Variants in ANKRD55 observed in about 807,000 individuals in gnomAD.
The protein encoded by ANKRD55 is ankyrin repeat domain 55, also known as ankyrin repeat domain-containing protein 55.
A neutral mutation model predicts 60.6 loss-of-function variants in ANKRD55; 41 were observed. That is an observed-to-expected ratio of 0.68 (90% confidence interval 0.53 to 0.88). The LOEUF is 0.88. ANKRD55 is among the 40% of genes least tolerant of loss of function. The pLI, the probability that ANKRD55 is intolerant of heterozygous loss-of-function variation, is 0.00. For missense variants in ANKRD55, 732 were observed against 767.6 expected, an observed-to-expected ratio of 0.95 and a Z score of 0.55; for synonymous variants, 264 against 290.3, an observed-to-expected ratio of 0.91 and a Z score of 0.92.
At chr5:56,103,919 C>T (rs765882365) in intron 10 of ANKRD55, among the ~76,000 whole-genome samples, 4 of 152,180 alleles carry the variant, frequency 2.6e-5, no homozygotes, top group Non-Finnish European at 2.9e-5. Context: ...TGTGCAGAAG[C>T]GGCCACCTCA....
rs1406984088 is a variant in ANKRD55 at position 56,111,146 on chromosome 5, G to C, written c.1602C>G (p.His534Gln). Residue 534 changes from histidine to glutamine, a missense_variant, in exon 10 of 12, where the codon CAC becomes CAG. Transcript: ENST00000341048. ...ATGATGGATTATGTAGATGGCGAAG[G>C]TGTGGTGGCACGGAGACCTCTTGGT... is the stretch of plus-strand genomic sequence containing the variant. ...PGHQEVSVPPHLRHLHNPSSG... is the reference protein window; with the variant it reads ...PGHQEVSVPPQLRHLHNPSSG... 1 of 1,614,100 alleles carries C rather than the reference G, an allele frequency of 6.2e-7. No homozygotes were observed. The highest frequency in any genetic ancestry group is 1.7e-5 in the Admixed American group (1 of 60,012).
At chr5:56,103,048 G>A (rs552725856) in intron 10 of ANKRD55, among the ~76,000 whole-genome samples, 2 of 152,294 alleles carry the variant, frequency 1.3e-5, no homozygotes, top group Non-Finnish European at 1.5e-5. Flanking sequence ...CACATCCCAG[G>A]TTATTAGATC....
rs1324038531 is a variant in ANKRD55 at position 56,177,987 on chromosome 5, T to C, written c.182-1705A>G. ...CTTCATTTTTCTCTAGTAATTCTTT[T>C]AATATTTTACAATTATGTATTGATT... On this transcript the variant is annotated intron_variant, in intron 3 of 11. Transcript: ENST00000341048. Among the ~76,000 whole-genome samples the C allele has an allele frequency of 3.9e-5, 6 of 152,272 alleles. No individual in the cohort carries two copies. The South Asian group carries it at 1.2e-3, about 32-fold the overall frequency.
intron 3 of ANKRD55, among the ~76,000 whole-genome samples, chr5:56,180,252 C>A (rs968413168): frequency 2.0e-5 from 3 of 152,186 alleles, no homozygotes; most frequent in Non-Finnish European, 4.4e-5. Flanking sequence ...CACCTCTCAA[C>A]AATACTGCAT....
At chr5:56,226,142 C>T (rs972331755) in intron 2 of ANKRD55, among the ~76,000 whole-genome samples, 5 of 152,064 alleles carry the variant, frequency 3.3e-5, no homozygotes, top group African/African-American at 1.2e-4. Flanking sequence ...AGATATAGAC[C>T]AATAGAACAG....
chr5:56,154,200 C>CA (rs367809782), intron 6 of ANKRD55, among the ~76,000 whole-genome samples: 49,686 of 64,428 alleles, frequency 0.77, 19,685 homozygotes, highest in Non-Finnish European at 0.83. Context: ...GACTCTGTCT[C>CA]AAAAAAAAAA....
intron 4 of ANKRD55, among the ~76,000 whole-genome samples, chr5:56,174,214 G>GTGTC (rs1200781863): frequency 6.6e-6 from 1 of 152,148 alleles, no homozygotes; most frequent in Non-Finnish European, 1.5e-5. Context: ...GGCTCCAAGG[G>GTGTC]TGTCCATCAT....
chr5:56,212,778 C>A (rs1265279887), intron 2 of ANKRD55, among the ~76,000 whole-genome samples: 1 of 152,206 alleles, frequency 6.6e-6, no homozygotes, highest in African/African-American at 2.4e-5. Flanking sequence ...CACTGACCAT[C>A]AGGGTTTGAA....
chr5:56,222,825 C>A (rs1025454272), intron 2 of ANKRD55, among the ~76,000 whole-genome samples: 6 of 152,258 alleles, frequency 3.9e-5, no homozygotes, highest in South Asian at 4.1e-4. Flanking sequence ...AAGAAATGAA[C>A]AAAGCCTCCA....
intron 9 of ANKRD55, among the ~76,000 whole-genome samples, chr5:56,112,162 A>T (rs921785740): frequency 6.6e-6 from 1 of 152,148 alleles, no homozygotes; most frequent in Non-Finnish European, 1.5e-5. Flanking sequence ...CGCAAGTTGA[A>T]GTCAGAGATG....
chr5:56,206,610 A>G (rs1445323688), intron 2 of ANKRD55, among the ~76,000 whole-genome samples: 1 of 152,108 alleles, frequency 6.6e-6, no homozygotes, highest in Non-Finnish European at 1.5e-5. Context: ...TGGTTGTTTC[A>G]TAGTGCATAG....
intron 8 of ANKRD55, among the ~76,000 whole-genome samples, chr5:56,118,868 A>C (rs1346574490): frequency 6.6e-6 from 1 of 152,138 alleles, no homozygotes; most frequent in Non-Finnish European, 1.5e-5. Flanking sequence ...GGCTAAAATA[A>C]GAAAAACAAA....
rs1442152332 is a variant in ANKRD55, at chr5:56,123,295, G to A, written c.797+3627C>T. 2.6e-5 allele frequency among the ~76,000 whole-genome samples: 4 copies of A among 152,044 alleles called. No homozygotes were observed. In the East Asian group the frequency reaches 7.7e-4, roughly 29 times the overall value. ...CTGGGTTGGGTATATCTGTGAACGGGGTTGGACATGAGTATTTGGAGAGCA... is the reference window on the plus strand; with the variant it reads ...CTGGGTTGGGTATATCTGTGAACGGAGTTGGACATGAGTATTTGGAGAGCA... On this transcript the variant is annotated intron_variant, in intron 8 of 11. Coordinates refer to ENST00000341048, the MANE Select transcript of ANKRD55 (RefSeq NM_024669.3).
At chr5:56,103,689 T>C (rs1756360458) in intron 10 of ANKRD55, among the ~76,000 whole-genome samples, 1 of 152,196 alleles carries the variant, frequency 6.6e-6, no homozygotes, top group South Asian at 2.1e-4. Context: ...GGTAAAGCAT[T>C]TAGCTTATAG....
At chr5:56,137,678 C>G (rs937992600) in intron 7 of ANKRD55, 3 of 474,264 alleles carry the variant, frequency 6.3e-6, no homozygotes, top group Admixed American at 3.9e-5. Flanking sequence ...AAATTGATAA[C>G]CTAGATTTCA....
At chr5:56,115,666 T>C (rs1008161824) in intron 9 of ANKRD55, among the ~76,000 whole-genome samples, 11 of 152,042 alleles carry the variant, frequency 7.2e-5, no homozygotes, top group Admixed American at 6.6e-4. Flanking sequence ...CCAAAGAGAG[T>C]TGCCAAAAAT....
chr5:56,173,539 C>G (rs915667021), intron 4 of ANKRD55, among the ~76,000 whole-genome samples: 1 of 101,726 alleles, frequency 9.8e-6, no homozygotes, highest in African/African-American at 4.1e-5. Flanking sequence ...TGTAGAGATT[C>G]GCCTCTCTCT....
At chr5:56,165,022 G>A (rs945587487) in intron 5 of ANKRD55, among the ~76,000 whole-genome samples, 6 of 152,120 alleles carry the variant, frequency 3.9e-5, no homozygotes, top group Admixed American at 6.5e-5. Context: ...TAATTGAAGC[G>A]TCCCTTAGCT....
At chr5:56,120,831 A>G (rs35186711) in intron 8 of ANKRD55, among the ~76,000 whole-genome samples, 81,569 of 150,614 alleles carry the variant, frequency 0.54, 24,261 homozygotes, top group African/African-American at 0.8. Flanking sequence ...CCTGGGAGGC[A>G]GAGGTTGCAG....
Sources: allele counts gnomAD v4.1 joint callset (sites outside exome capture counted in the v4.1 genomes callset), GRCh38; gene constraint gnomAD v4.1.1; transcripts MANE v1.5; gene names NCBI Gene and HGNC (gene_info 2026-07-23, HGNC 2026-07-21).